Variants in CFAP92 observed in about 807,000 individuals in gnomAD.
The protein encoded by CFAP92 is cilia and flagella associated protein 92 (putative), also known as uncharacterized protein CFAP92.
In CFAP92, 86 loss-of-function variants were observed where a neutral mutation model predicts 106.3. That is an observed-to-expected ratio of 0.81 (90% confidence interval 0.68 to 0.97). The LOEUF (loss-of-function observed/expected upper bound fraction) is 0.97, where lower values mean the gene tolerates loss of function less well. CFAP92 is among the 50% of genes least tolerant of loss of function. The pLI, the probability that CFAP92 is intolerant of heterozygous loss-of-function variation, is 0.00. For missense variants in CFAP92, 1,204 were observed against 1,283.8 expected (o/e 0.94, Z 0.95); for synonymous variants, 477 against 506.4 (o/e 0.94, Z 0.78).
intron 10 of CFAP92, among the ~76,000 whole-genome samples, chr3:128,943,919 C>CCCCATT (rs1553747259): frequency 1.2e-5 from 1 of 86,890 alleles, no homozygotes; most frequent in African/African-American, 7.5e-5. Context: ...TTATTTCCCC[C>CCCCATT]GTTTTTTTTT....
At position 128,975,897 on chromosome 3, in the gene CFAP92, A is replaced by G. The variant is rs1489762237; in HGVS notation, c.903T>C (p.Ser301=). The G allele has an allele frequency of 1.9e-5, 31 of 1,598,444 alleles. No homozygotes were observed. The highest frequency in any genetic ancestry group is 2.6e-5 in the Non-Finnish European group (30 of 1,175,138). Residue 301 remains serine, a synonymous_variant, in exon 7 of 16, where the codon AGT becomes AGC. Transcript: ENST00000645291. The stretch of plus-strand genomic sequence containing the variant: ...AAGAAATGGTTGGTGTTCTTGAAAC[A>G]CTCCATCTAGAAAATTCACAAAGAG... ...KMDDSSTIQW[S]VSRTPTISLA... is the part of the protein sequence containing the mutation.
At chr3:128,946,586 C>T (rs1469089994) in intron 9 of CFAP92, among the ~76,000 whole-genome samples, 1 of 152,198 alleles carries the variant, frequency 6.6e-6, no homozygotes, top group Admixed American at 6.5e-5. Context: ...AAGCCTTACA[C>T]AAGTCTGTGG....
At chr3:128,948,377 CTTTTTTTTTTTTTTTTTT>C (rs4040748) in intron 9 of CFAP92, among the ~76,000 whole-genome samples, 1 of 79,708 alleles carries the variant, frequency 1.3e-5, no homozygotes, top group African/African-American at 3.8e-5. Context: ...CTTTTCTTTC[CTTTTTTTTTTTTTTTTTT>C]TTTTTTTTTG....
upstream of CFAP92, chr3:129,004,152 C>T: frequency 7.3e-7 from 1 of 1,365,806 alleles, no homozygotes. Context: ...GGTGTGCAAT[C>T]CCCCTCCCAC....
chr3:128,978,080 T>G lies in CFAP92; in HGVS notation c.773A>C (p.Gln258Pro). The change falls in exon 5 of 16, where the codon CAA (glutamine) becomes CCA (proline). Residue 258 changes from glutamine to proline, a missense_variant. By Grantham distance (76) the Gln-to-Pro change is moderately conservative. Transcript: ENST00000645291. ...ESNQEHPPGK[Q>P]EKTEKHPKSL... ...CTTTGGGTGTTTTTCTGTTTTTTCT[T>G]GTTTTCCTGGCGGATGTTCCTGGTT... 6.2e-7 allele frequency: 1 copy of G among 1,613,996 alleles called. No individual in the cohort carries two copies. The highest frequency in any genetic ancestry group is 8.5e-7 in the Non-Finnish European group (1 of 1,179,878).
chr3:129,004,168 C>T (rs1010493929), upstream of CFAP92: 1 of 1,324,798 alleles, frequency 7.5e-7, no homozygotes, highest in Non-Finnish European at 9.7e-7. Flanking sequence ...CCCACGCGCT[C>T]TCGTGTTCCG....
At chr3:129,016,001 C>G in the CFAP92 span, among the ~76,000 whole-genome samples, 1 of 152,176 alleles carries the variant, frequency 6.6e-6, no homozygotes, top group Non-Finnish European at 1.5e-5. Flanking sequence ...TCTGCAGCTT[C>G]CTGAGACTTG....
intron 4 of CFAP92, among the ~76,000 whole-genome samples, chr3:128,981,457 A>G (rs1407440040): frequency 2.0e-5 from 3 of 152,074 alleles, no homozygotes; most frequent in African/African-American, 4.8e-5. Context: ...CAGCCTCCCA[A>G]GTAGCTGGGA....
intron 1 of CFAP92, among the ~76,000 whole-genome samples, chr3:129,000,716 C>T (rs1371075354): frequency 6.6e-6 from 1 of 152,218 alleles, no homozygotes; most frequent in Non-Finnish European, 1.5e-5. Context: ...ACCTGTTAAC[C>T]TAACCCCAGC....
chr3:129,018,229 G>C, the CFAP92 span, among the ~76,000 whole-genome samples: 1 of 152,164 alleles, frequency 6.6e-6, no homozygotes, highest in Non-Finnish European at 1.5e-5. Flanking sequence ...CCTCCATAGG[G>C]AGACAAATTG....
upstream of CFAP92, chr3:129,003,839 G>A (rs886504191): frequency 4.2e-5 from 62 of 1,462,056 alleles, no homozygotes; most frequent in Non-Finnish European, 5.6e-5. Context: ...GATGGGGCAC[G>A]GCGGGCCGGA....
At chr3:128,994,598 G>A (rs1234703047), upstream of CFAP92, among the ~76,000 whole-genome samples, 5 of 152,306 alleles carry the variant, frequency 3.3e-5, no homozygotes, top group Admixed American at 1.3e-4. Context: ...GATCATGAGC[G>A]CCAACTCAGA....
intron 4 of CFAP92, among the ~76,000 whole-genome samples, chr3:128,982,734 T>C (rs538488572): frequency 1.3e-5 from 2 of 152,206 alleles, no homozygotes; most frequent in Non-Finnish European, 2.9e-5. Flanking sequence ...AGGTTATTAA[T>C]TGACCTAATT....
intron 15 of CFAP92, among the ~76,000 whole-genome samples, chr3:128,911,971 A>G (rs1420597450): frequency 6.6e-6 from 1 of 152,118 alleles, no homozygotes; most frequent in Admixed American, 6.5e-5. Context: ...CCACTCGACC[A>G]TATCTAGGAA....
chr3:129,016,651 C>T, the CFAP92 span, among the ~76,000 whole-genome samples: 5 of 152,116 alleles, frequency 3.3e-5, no homozygotes, highest in Non-Finnish European at 7.4e-5. Flanking sequence ...GACAGAGCTA[C>T]AGCTGCAGGC....
At chr3:128,994,764 T>G (rs1199264404), upstream of CFAP92, among the ~76,000 whole-genome samples, 1 of 152,080 alleles carries the variant, frequency 6.6e-6, no homozygotes, top group Non-Finnish European at 1.5e-5. Flanking sequence ...CGGCTCCTAA[T>G]GTAGAGGACC....
At position 128,971,397 on chromosome 3, in the gene CFAP92, T is replaced by C. The variant is rs760116174; in HGVS notation, c.1058A>G (p.Gln353Arg). 5 of 1,612,426 alleles carry C rather than the reference T, an allele frequency of 3.1e-6. 1 individual carries two copies. In the South Asian group the frequency reaches 5.5e-5, roughly 18 times the overall value. The change falls in exon 8 of 16, where the codon CAG (glutamine) becomes CGG (arginine). Residue 353 changes from glutamine to arginine, a missense_variant. Gln to Arg is a conservative substitution (Grantham distance 43, BLOSUM62 1). Coordinates refer to ENST00000645291, the MANE Select transcript of CFAP92 (RefSeq NM_001394090.1). ...GKDSEGRRKIQRRHKKPLAEE... is the reference protein window; with the variant it reads ...GKDSEGRRKIRRRHKKPLAEE... ...TGCCAGGGGCTTCTTATGTCTCCTC[T>C]GGATTTTCCTTCTTCCCTCTGAATC...
chr3:128,911,804 T>A (rs749051077), intron 15 of CFAP92, among the ~76,000 whole-genome samples: 1 of 152,228 alleles, frequency 6.6e-6, no homozygotes, highest in Non-Finnish European at 1.5e-5. Context: ...TGGTTGTACC[T>A]GATTCTGGAG....
intron 9 of CFAP92, among the ~76,000 whole-genome samples, chr3:128,952,439 A>C (rs1300265825): frequency 6.6e-6 from 1 of 152,194 alleles, no homozygotes; most frequent in Non-Finnish European, 1.5e-5. Flanking sequence ...AATATATCCA[A>C]GATAGAATTT....
Sources: allele counts gnomAD v4.1 joint callset (sites outside exome capture counted in the v4.1 genomes callset), GRCh38; gene constraint gnomAD v4.1.1; transcripts MANE v1.5; gene names NCBI Gene and HGNC (gene_info 2026-07-23, HGNC 2026-07-21).